Variants in SAMD5 observed in about 807,000 individuals in gnomAD.
The protein encoded by SAMD5 is sterile alpha motif domain containing 5.
A neutral mutation model predicts 11.3 loss-of-function variants in SAMD5; 13 were observed. That is an observed-to-expected ratio of 1.15 (90% CI 0.75 to 1.83). The LOEUF (loss-of-function observed/expected upper bound fraction) is 1.83. SAMD5 is among the 40% of genes most tolerant of loss of function. The pLI is 0.00. For synonymous variants in SAMD5, 129 were observed against 111.3 expected, an observed-to-expected ratio of 1.16 and a Z score of -1.00; for missense variants, 255 against 239.1, an observed-to-expected ratio of 1.07 and a Z score of -0.44.
chr6:147,909,598 T>TCTCTCTCTC, the SAMD5 span, among the ~76,000 whole-genome samples: 1 of 59,596 alleles, frequency 1.7e-5, no homozygotes, highest in African/African-American at 8.7e-5. Flanking sequence ...CTTTCTTTCT[T>TCTCTCTCTC]TCTTTCTTTC....
At position 147,514,040 on chromosome 6, in the gene SAMD5, T is replaced by G. The variant is rs373802974; in HGVS notation, c.459+4653T>G. 1.2e-4 allele frequency among the ~76,000 whole-genome samples: 19 copies of G among 152,052 alleles called. No homozygotes were observed. In the South Asian group the frequency reaches 3.5e-3, roughly 28 times the overall value. On this transcript the variant is annotated intron_variant, in intron 1 of 1. Transcript: ENST00000367474. Reference sequence around the variant, plus strand: ...GAGACTTTGTTGTCAAGGGAAGGGTTTTGTGGATTTGTTTGTGTTTAGGAT... The same window carrying G: ...GAGACTTTGTTGTCAAGGGAAGGGTGTTGTGGATTTGTTTGTGTTTAGGAT...
chr6:147,830,318 G>A, the SAMD5 span, among the ~76,000 whole-genome samples: 1 of 132,214 alleles, frequency 7.6e-6, no homozygotes, highest in Non-Finnish European at 1.5e-5. Context: ...GTGCAGTGGT[G>A]CAATCTTGGC....
At chr6:147,866,178 C>T in the SAMD5 span, among the ~76,000 whole-genome samples, 1 of 152,218 alleles carries the variant, frequency 6.6e-6, no homozygotes, top group East Asian at 1.9e-4. Flanking sequence ...CATACACCTC[C>T]AACCAGACAT....
At position 147,601,944 on chromosome 6, in the gene SAMD5, C is replaced by T. The variant is rs1048389058; in HGVS notation, c.162+92557C>T. 3.3e-5 allele frequency among the ~76,000 whole-genome samples: 5 copies of T among 152,062 alleles called. No homozygotes were observed. In the East Asian group the frequency reaches 9.6e-4, roughly 29 times the overall value. Reference sequence around the variant, plus strand: ...TGCCTCCTTCACTTGAATTAGCACTCGATTGTCCTAAAAGAAGGGGCTGAA... The same window carrying T: ...TGCCTCCTTCACTTGAATTAGCACTTGATTGTCCTAAAAGAAGGGGCTGAA... On this transcript the variant is annotated intron_variant, in intron 1 of 1. Transcript: ENST00000566741.
At chr6:147,874,820 A>C in the SAMD5 span, among the ~76,000 whole-genome samples, 1 of 151,918 alleles carries the variant, frequency 6.6e-6, no homozygotes, top group Non-Finnish European at 1.5e-5. Context: ...CTTTAATTTT[A>C]GTGGTCCTTT....
chr6:147,770,925 C>T, the SAMD5 span, among the ~76,000 whole-genome samples: 3 of 152,066 alleles, frequency 2.0e-5, no homozygotes, highest in Non-Finnish European at 4.4e-5. Context: ...GTTCATTCTA[C>T]AGAGATGATA....
chr6:147,928,956 A>G, the SAMD5 span, among the ~76,000 whole-genome samples: 1 of 150,172 alleles, frequency 6.7e-6, no homozygotes, highest in East Asian at 1.9e-4. Flanking sequence ...TTTAATTTCC[A>G]TATAATTATG....
At chr6:147,639,208 A>G (rs1200660075) in intron 1 of SAMD5, among the ~76,000 whole-genome samples, 1 of 152,190 alleles carries the variant, frequency 6.6e-6, no homozygotes, top group Non-Finnish European at 1.5e-5. Flanking sequence ...ATGTGGTTTC[A>G]ATTTGATGTA....
At chr6:147,537,100 A>G (rs760570285) in intron 1 of SAMD5, among the ~76,000 whole-genome samples, 98 of 152,138 alleles carry the variant, frequency 6.4e-4, no homozygotes, top group Non-Finnish European at 1.3e-3. Context: ...AATAATTGTA[A>G]TTATTACTGA....
At chr6:147,797,315 A>G in the SAMD5 span, among the ~76,000 whole-genome samples, 3 of 143,910 alleles carry the variant, frequency 2.1e-5, no homozygotes, top group Non-Finnish European at 4.5e-5. Flanking sequence ...TTCTGCATCT[A>G]TTGAGATAAT....
At chr6:147,626,883 T>C (rs1299574268) in intron 1 of SAMD5, among the ~76,000 whole-genome samples, 1 of 146,248 alleles carries the variant, frequency 6.8e-6, no homozygotes, top group African/African-American at 2.5e-5. Flanking sequence ...TAAATAGCAC[T>C]CAAAAATATT....
At position 147,643,261 on chromosome 6, in the gene SAMD5, T is replaced by TA. The variant is rs1490452640; in HGVS notation, c.163-94055dup. Among the ~76,000 whole-genome samples, 4 of 152,294 alleles carry TA rather than the reference T, an allele frequency of 2.6e-5. No individual in the cohort carries two copies. The East Asian group carries it at 7.7e-4, about 29-fold the overall frequency. Reference sequence around the variant, plus strand: ...TAGTTAACTCAAATATGCTTTTTTTTATGGGCTTCAGTGTTCCATTAATTT... The same window carrying TA: ...TAGTTAACTCAAATATGCTTTTTTTTAATGGGCTTCAGTGTTCCATTAATTT... On this transcript the variant is annotated intron_variant, in intron 1 of 1. Coordinates refer to the SAMD5 transcript ENST00000566741.
intron 1 of SAMD5, among the ~76,000 whole-genome samples, chr6:147,691,060 CCTTAG>C (rs1791095874): frequency 6.6e-6 from 1 of 150,834 alleles, no homozygotes; most frequent in African/African-American, 2.4e-5. Flanking sequence ...AATGGCACAA[CCTTAG>C]CTTACTGCAA....
the SAMD5 span, among the ~76,000 whole-genome samples, chr6:147,907,359 A>G: frequency 4.0e-3 from 609 of 152,356 alleles, 2 homozygotes; most frequent in South Asian, 0.013. Flanking sequence ...GGCAATGGAC[A>G]TCAAATCTGC....
At chr6:147,873,573 T>C in the SAMD5 span, among the ~76,000 whole-genome samples, 1 of 152,082 alleles carries the variant, frequency 6.6e-6, no homozygotes, top group Admixed American at 6.6e-5. Context: ...ATTCATATGA[T>C]GTAGGAAGGT....
chr6:147,797,758 T>C, the SAMD5 span, among the ~76,000 whole-genome samples: 4 of 145,142 alleles, frequency 2.8e-5, no homozygotes, highest in Non-Finnish European at 4.5e-5. Flanking sequence ...CTGTTATTGG[T>C]CTATTCAGAG....
At position 147,599,676 on chromosome 6, in the gene SAMD5, A is replaced by G. The variant is rs185154553; in HGVS notation, c.162+90289A>G. Among the ~76,000 whole-genome samples, 1,183 of 152,218 alleles carry G rather than the reference A, an allele frequency of 7.8e-3. 10 individuals are homozygous for G. The highest frequency in any genetic ancestry group is 0.012 in the Non-Finnish European group (827 of 68,016). On this transcript the variant is annotated intron_variant, in intron 1 of 1. Coordinates refer to the SAMD5 transcript ENST00000566741. ...ATTAGAAGTGAAGAGAACCAGAACC[A>G]TTGTCAGTTCATATTTCTGTTCCAT...
chr6:147,827,103 A>C, the SAMD5 span, among the ~76,000 whole-genome samples: 4 of 152,174 alleles, frequency 2.6e-5, no homozygotes, highest in Non-Finnish European at 5.9e-5. Flanking sequence ...AGGTTAAAGG[A>C]ATTAGAACAA....
At chr6:147,718,148 A>G (rs2128458996) in intron 1 of SAMD5, among the ~76,000 whole-genome samples, 1 of 152,324 alleles carries the variant, frequency 6.6e-6, no homozygotes, top group Non-Finnish European at 1.5e-5. Flanking sequence ...TAATTTTTAC[A>G]GTGATGGAAA....
Sources: gnomAD v4.1 joint callset for allele counts (sites outside exome capture counted in the v4.1 genomes callset) on GRCh38, gnomAD v4.1.1 for gene constraint, MANE v1.5 for transcripts, NCBI Gene and HGNC (gene_info 2026-07-23, HGNC 2026-07-21) for gene names.